The following STXBP5L variants were observed in gnomAD, a reference collection of about 807,000 sequenced individuals.
STXBP5L encodes the protein syntaxin binding protein 5L.
STXBP5L carries 65 observed loss-of-function variants against 144.5 expected under a neutral mutation model. That is an observed-to-expected ratio of 0.45 (90% CI 0.37 to 0.55). The LOEUF is 0.55. STXBP5L is among the 20% of genes least tolerant of loss of function. The probability of loss-of-function intolerance (pLI) is 0.00; values close to 1 mark genes in which losing one functional copy is unlikely to be tolerated. For missense variants in STXBP5L, 1,298 were observed against 1,405.5 expected (o/e 0.92, Z 1.22); for synonymous variants, 505 against 469.6 (o/e 1.08, Z -0.97).
At chr3:121,353,397 TGG>T (rs2045379398) in intron 20 of STXBP5L, among the ~76,000 whole-genome samples, 2 of 152,230 alleles carry the variant, frequency 1.3e-5, no homozygotes. Flanking sequence ...AACTTTTTCC[TGG>T]TTTAGTCTTT....
intron 3 of STXBP5L, among the ~76,000 whole-genome samples, chr3:120,958,675 G>T (rs1938341956): frequency 6.6e-6 from 1 of 152,120 alleles, no homozygotes; most frequent in South Asian, 2.1e-4. Flanking sequence ...CTCAATAGAT[G>T]CAGAAAAGGC....
intron 3 of STXBP5L, among the ~76,000 whole-genome samples, chr3:121,021,518 A>T (rs1945552286): frequency 6.6e-6 from 1 of 152,210 alleles, no homozygotes; most frequent in Admixed American, 6.5e-5. Flanking sequence ...ATCATAGGCC[A>T]CAAAACAAGT....
chr3:121,282,986 G>C (rs2051111486), intron 19 of STXBP5L, among the ~76,000 whole-genome samples: 1 of 151,864 alleles, frequency 6.6e-6, no homozygotes, highest in African/African-American at 2.4e-5. Flanking sequence ...TATAAAAACT[G>C]GTATAGAAAG....
chr3:121,383,700 T>A (rs2046367309), intron 22 of STXBP5L, among the ~76,000 whole-genome samples: 1 of 152,062 alleles, frequency 6.6e-6, no homozygotes, highest in Non-Finnish European at 1.5e-5. Context: ...AAGATAAGGG[T>A]GACAGAAATC....
chr3:121,140,187 A>G lies in STXBP5L; in HGVS notation c.670-12290A>G, dbSNP rs183362422. On this transcript the variant is annotated intron_variant, in intron 7 of 26. Coordinates refer to ENST00000471454, the MANE Select transcript of STXBP5L (RefSeq NM_001308330.2). Reference sequence around the variant, plus strand: ...CTCAACATCGCTCATCATCAGGGAAATGCAAATCAAAACCACAGTGAGCTA... The same window carrying G: ...CTCAACATCGCTCATCATCAGGGAAGTGCAAATCAAAACCACAGTGAGCTA... Among the ~76,000 whole-genome samples, 31 of 152,296 alleles carry G rather than the reference A, an allele frequency of 2.0e-4. No individual in the cohort carries two copies. In the East Asian group the frequency reaches 5.8e-3, roughly 28 times the overall value.
chr3:121,051,455 T>G (rs930912558), intron 5 of STXBP5L, among the ~76,000 whole-genome samples: 1 of 152,084 alleles, frequency 6.6e-6, no homozygotes, highest in Non-Finnish European at 1.5e-5. Context: ...CTCAACTACA[T>G]GGAAACTGAA....
intron 5 of STXBP5L, among the ~76,000 whole-genome samples, chr3:121,051,919 C>T (rs945750818): frequency 6.6e-6 from 1 of 151,638 alleles, no homozygotes; most frequent in African/African-American, 2.4e-5. Flanking sequence ...ACCACCGATC[C>T]CACAGAAATA....
At chr3:121,045,413 C>T (rs1364341810) in intron 4 of STXBP5L, 22 bp from the exon 5 acceptor site, 2 of 1,587,878 alleles carry the variant, frequency 1.3e-6, no homozygotes, top group Non-Finnish European at 1.7e-6. Context: ...CACACACTTA[C>T]TTTATCTTCT....
chr3:121,269,509 G>A (rs540562111), intron 18 of STXBP5L, among the ~76,000 whole-genome samples: 8 of 152,154 alleles, frequency 5.3e-5, no homozygotes, highest in Admixed American at 2.0e-4. Context: ...GACAGCAAAA[G>A]CAGCAGCTTA....
chr3:121,271,408 T>C (rs1442242404), intron 18 of STXBP5L, among the ~76,000 whole-genome samples: 1 of 152,204 alleles, frequency 6.6e-6, no homozygotes, highest in Non-Finnish European at 1.5e-5. Context: ...AATATGTATC[T>C]TGTATATTCT....
Position 121,115,076 on chromosome 3 carries a change from A to G in STXBP5L, c.605+17A>G, listed in dbSNP as rs2107828450. 3.1e-6 allele frequency: 5 copies of G among 1,596,622 alleles called. No homozygotes were observed. Among genetic ancestry groups the G allele is most frequent in the Non-Finnish European group, 4.3e-6 (5 of 1,173,730 alleles). On this transcript the variant is annotated intron_variant, in intron 6 of 26. Coordinates refer to ENST00000471454, the MANE Select transcript of STXBP5L (RefSeq NM_001308330.2). ...AATTGAACTGTAAGTTTGAACTTGG[A>G]TATCACTTTATTGGCTTAAATACTT...
intron 5 of STXBP5L, among the ~76,000 whole-genome samples, chr3:121,054,799 TA>T (rs36026316): frequency 0.52 from 79,528 of 151,850 alleles, 21,370 homozygotes; most frequent in African/African-American, 0.62. Context: ...AGTAAAATAT[TA>T]ACCTATTTAG....
intron 5 of STXBP5L, among the ~76,000 whole-genome samples, chr3:121,093,642 T>A (rs968100231): frequency 2.6e-5 from 4 of 152,084 alleles, no homozygotes; most frequent in African/African-American, 9.7e-5. Context: ...TTTTTCTTGC[T>A]TCTATTTGAT....
chr3:121,162,303 A>G (rs2046351575), intron 9 of STXBP5L, among the ~76,000 whole-genome samples: 1 of 152,214 alleles, frequency 6.6e-6, no homozygotes, highest in African/African-American at 2.4e-5. Flanking sequence ...TTTCCCTGAC[A>G]AAAATGTGCA....
At position 120,970,433 on chromosome 3, in the gene STXBP5L, A is replaced by G. The variant is rs554659493; in HGVS notation, c.287+15396A>G. 2.0e-5 allele frequency among the ~76,000 whole-genome samples: 3 copies of G among 152,234 alleles called. No homozygotes were observed. In the East Asian group the frequency reaches 5.8e-4, roughly 29 times the overall value. On this transcript the variant is annotated intron_variant, in intron 3 of 26. Coordinates refer to ENST00000471454, the MANE Select transcript of STXBP5L (RefSeq NM_001308330.2). ...GAATCTTTGAATGTGTTTAAATGATACTTTTGCTGGGTACAGTATTTTTGG... is the reference window on the plus strand; with the variant it reads ...GAATCTTTGAATGTGTTTAAATGATGCTTTTGCTGGGTACAGTATTTTTGG...
intron 3 of STXBP5L, among the ~76,000 whole-genome samples, chr3:120,969,423 G>A (rs1294743958): frequency 1.5e-5 from 2 of 134,168 alleles, no homozygotes; most frequent in Admixed American, 1.5e-4. Context: ...TTGTTAATTT[G>A]TTTGAGTTCC....
chr3:121,342,613 T>C (rs547339714), intron 20 of STXBP5L, among the ~76,000 whole-genome samples: 1 of 151,854 alleles, frequency 6.6e-6, no homozygotes, highest in African/African-American at 2.4e-5. Flanking sequence ...TTTTTGTTCT[T>C]GTGATAGTTT....
intron 20 of STXBP5L, among the ~76,000 whole-genome samples, chr3:121,328,309 T>C (rs2044215530): frequency 6.6e-6 from 1 of 152,238 alleles, no homozygotes; most frequent in African/African-American, 2.4e-5. Flanking sequence ...CCATTAATCC[T>C]GACAAGATTC....
At chr3:120,964,597 A>G (rs1939318917) in intron 3 of STXBP5L, among the ~76,000 whole-genome samples, 1 of 152,096 alleles carries the variant, frequency 6.6e-6, no homozygotes, top group Non-Finnish European at 1.5e-5. Context: ...GAATTTCTTA[A>G]TCCTGAGTTC....
Sources: gnomAD v4.1 joint callset for allele counts (sites outside exome capture counted in the v4.1 genomes callset) on GRCh38, gnomAD v4.1.1 for gene constraint, MANE v1.5 for transcripts, NCBI Gene and HGNC (gene_info 2026-07-23, HGNC 2026-07-21) for gene names.